CARS2: variants seen among roughly 807,000 people sequenced by gnomAD.
The protein encoded by CARS2 is cysteinyl-tRNA synthetase 2, mitochondrial, also known as probable cysteine--tRNA ligase, mitochondrial.
A neutral mutation model predicts 68.8 loss-of-function variants in CARS2; 52 were observed. That is an observed-to-expected ratio of 0.76 (90% CI 0.61 to 0.95). The LOEUF is 0.95. Ranked by LOEUF, CARS2 falls within the 40% of genes least tolerant of loss-of-function variation. CARS2 has a pLI of 0.00. For synonymous variants in CARS2, 314 were observed against 303.6 expected, an observed-to-expected ratio of 1.03 and a Z score of -0.36; for missense variants, 780 against 754.2, an observed-to-expected ratio of 1.03 and a Z score of -0.40.
At chr13:110,711,298 C>T (rs1484180854), upstream of CARS2, among the ~76,000 whole-genome samples, 1 of 152,140 alleles carries the variant, frequency 6.6e-6, no homozygotes, top group Admixed American at 6.6e-5. Context: ...CTCACTGCAA[C>T]CTCCCCTCCT....
At chr13:110,656,066 G>A (rs1163918928) in intron 9 of CARS2, among the ~76,000 whole-genome samples, 1 of 152,230 alleles carries the variant, frequency 6.6e-6, no homozygotes, top group Non-Finnish European at 1.5e-5. Context: ...AGCACTTTGG[G>A]AGGCCGAGGC....
intron 10 of CARS2, among the ~76,000 whole-genome samples, chr13:110,647,732 CTG>C (rs1888341783): frequency 6.6e-6 from 1 of 152,274 alleles, no homozygotes; most frequent in African/African-American, 2.4e-5. Context: ...GCTTTAGAGT[CTG>C]TGGGTGTTTC....
intron 5 of CARS2, among the ~76,000 whole-genome samples, chr13:110,684,170 T>G (rs2063232509): frequency 6.6e-6 from 1 of 152,266 alleles, no homozygotes; most frequent in East Asian, 1.9e-4. Context: ...CCATTCTCAG[T>G]ACCACAGATC....
chr13:110,706,170 G>GGCCCCGCCCC (rs28364706), upstream of CARS2: 1 of 1,077,488 alleles, frequency 9.3e-7, no homozygotes, highest in Non-Finnish European at 1.2e-6. Flanking sequence ...AGAGCAGCAC[G>GGCCCCGCCCC]GCCCCGCCCC....
chr13:110,692,101 C>T (rs1430446896), intron 3 of CARS2, among the ~76,000 whole-genome samples: 1 of 140,840 alleles, frequency 7.1e-6, no homozygotes, highest in Non-Finnish European at 1.5e-5. Context: ...CACATATATA[C>T]ATATATATAT....
Position 110,653,870 on chromosome 13 carries a change from T to C in CARS2, c.988-2770A>G, listed in dbSNP as rs1345708965. ...GCACACGGACATTAATTTTTTAGCG[T>C]GTTCCTGCTCTGTGCCGGCTGATAT... On this transcript the variant is annotated intron_variant, in intron 9 of 14. Coordinates refer to ENST00000257347, the MANE Select transcript of CARS2 (RefSeq NM_024537.4). The surrounding 1 kb of genome is among the most constrained non-coding windows in gnomAD (Gnocchi z 5.6). Among the ~76,000 whole-genome samples the C allele has an allele frequency of 1.3e-5, 2 of 152,248 alleles. No homozygotes were observed. Among genetic ancestry groups the C allele is most frequent in the East Asian group, 3.8e-4 (2 of 5,200 alleles).
chr13:110,676,580 C>T lies in CARS2; in HGVS notation c.785+394G>A, dbSNP rs541635768. ...CAGAGCACCCTGGCATGCGAGTTGC[C>T]TGAGCTAGAAGAGCTGGCGGGAAGG... On this transcript the variant is annotated intron_variant, in intron 7 of 14. Coordinates refer to ENST00000257347, the MANE Select transcript of CARS2 (RefSeq NM_024537.4). The surrounding 1 kb of genome is among the most constrained non-coding windows in gnomAD (Gnocchi z 4.0). 2.0e-5 allele frequency among the ~76,000 whole-genome samples: 3 copies of T among 152,206 alleles called. No homozygotes were observed. The South Asian group carries it at 6.2e-4, about 32-fold the overall frequency.
intron 5 of CARS2, among the ~76,000 whole-genome samples, 177 bp from the exon 6 acceptor site, chr13:110,683,311 T>C (rs1472925564): frequency 6.6e-6 from 1 of 152,186 alleles, no homozygotes; most frequent in Non-Finnish European, 1.5e-5. Flanking sequence ...CAGGCTGGAG[T>C]GCAGTGGTAC....
intron 5 of CARS2, 51 bp from the exon 6 acceptor site, chr13:110,683,185 C>T: frequency 7.9e-7 from 1 of 1,266,726 alleles, no homozygotes; most frequent in Non-Finnish European, 1.1e-6. Flanking sequence ...TGAATATCAG[C>T]ATATTGACAA....
intron 6 of CARS2, among the ~76,000 whole-genome samples, chr13:110,678,420 A>G (rs1290078885): frequency 1.3e-5 from 2 of 152,092 alleles, no homozygotes; most frequent in Non-Finnish European, 2.9e-5. Flanking sequence ...CAACGTCCCA[A>G]TATCACCCTT....
In CARS2 at chr13:110,672,340, A is replaced by G. The variant is rs571515059; in HGVS notation, c.785+4634T>C. Among the ~76,000 whole-genome samples the G allele has an allele frequency of 3.3e-5, 5 of 152,362 alleles. No individual in the cohort carries two copies. The South Asian group carries it at 1.0e-3, about 32-fold the overall frequency. Reference sequence around the variant, plus strand: ...GTAAAGCACTCCTCAGCAAATGTAAAAGAACAGAAATTGTAACAAACTGTC... The same window carrying G: ...GTAAAGCACTCCTCAGCAAATGTAAGAGAACAGAAATTGTAACAAACTGTC... On this transcript the variant is annotated intron_variant, in intron 7 of 14. Transcript: ENST00000257347.
At chr13:110,651,955 C>T (rs61970545) in intron 9 of CARS2, among the ~76,000 whole-genome samples, 19,426 of 152,258 alleles carry the variant, frequency 0.13, 1,328 homozygotes, top group Middle Eastern at 0.19. Flanking sequence ...AGCCGAGCTC[C>T]GACTGCACCC....
chr13:110,694,500 A>G (rs1305187295), intron 3 of CARS2, among the ~76,000 whole-genome samples: 1 of 151,626 alleles, frequency 6.6e-6, no homozygotes, highest in African/African-American at 2.4e-5. Context: ...AGCTGGGCGT[A>G]GTGGTGTACG....
At chr13:110,694,129 G>A (rs1416015185) in intron 3 of CARS2, among the ~76,000 whole-genome samples, 2 of 151,924 alleles carry the variant, frequency 1.3e-5, no homozygotes, top group Non-Finnish European at 2.9e-5. Context: ...CCAGGTTTAA[G>A]TGATTTTCTT....
At chr13:110,656,645 G>A (rs1380498757) in intron 9 of CARS2, among the ~76,000 whole-genome samples, 3 of 152,192 alleles carry the variant, frequency 2.0e-5, no homozygotes, top group African/African-American at 7.2e-5. Flanking sequence ...AGCACTTTGG[G>A]AGGCCGAGGC....
intron 3 of CARS2, among the ~76,000 whole-genome samples, chr13:110,693,319 A>C (rs2139888708): frequency 6.6e-6 from 1 of 152,148 alleles, no homozygotes; most frequent in South Asian, 2.1e-4. Context: ...AGGAGTTGTA[A>C]GTGGAATACC....
intron 9 of CARS2, chr13:110,663,113 G>A: frequency 2.0e-6 from 1 of 500,326 alleles, no homozygotes; most frequent in South Asian, 1.5e-5. Flanking sequence ...GAGGTGGTGG[G>A]TGAGGGCGGG....
chr13:110,664,491 T>G, intron 8 of CARS2: 1 of 629,242 alleles, frequency 1.6e-6, no homozygotes. Context: ...CACTCCAGCC[T>G]GGGCCACAGA....
chr13:110,644,067 T>C lies in CARS2; in HGVS notation c.1416+318A>G, dbSNP rs975224545. 12 of 1,280,832 alleles carry C rather than the reference T, an allele frequency of 9.4e-6. No homozygotes were observed. The Admixed American group carries it at 2.2e-4, about 23-fold the overall frequency. The allele number at this position is 1,280,832 out of a possible 1,614,324, so 79.3% of individuals were successfully genotyped here. On this transcript the variant is annotated intron_variant, in intron 13 of 14. Coordinates refer to ENST00000257347, the MANE Select transcript of CARS2 (RefSeq NM_024537.4). ...GTCAGGAAAAAATGTTCTCTTACTG[T>C]GCCTGTGACTTCTGCACATTCTGAG...
Sources: gnomAD v4.1 joint callset for allele counts (sites outside exome capture counted in the v4.1 genomes callset) on GRCh38, gnomAD v4.1.1 for gene constraint, Gnocchi (gnomAD v3.1) non-coding constraint, MANE v1.5 for transcripts, NCBI Gene and HGNC (gene_info 2026-07-23, HGNC 2026-07-21) for gene names.